DMD: variants seen among roughly 807,000 people sequenced by gnomAD.
DMD encodes dystrophin.
In DMD, 63 loss-of-function variants were observed where a neutral mutation model predicts 330.1. The ratio of observed to expected loss-of-function variants is 0.19; its 90% CI spans 0.16 to 0.24. The LOEUF (loss-of-function observed/expected upper bound fraction) is 0.24, where lower values mean the gene tolerates loss of function less well. DMD is among the 10% of genes least tolerant of loss of function. The pLI, the probability that DMD is intolerant of heterozygous loss-of-function variation, is 1.00. For synonymous variants in DMD, 1,223 were observed against 959.8 expected, an observed-to-expected ratio of 1.27 and a Z score of -5.07; for missense variants, 3,344 against 2,684.1, an observed-to-expected ratio of 1.25 and a Z score of -5.43.
chrX:33,031,943 C>T (rs1427182449), intron 1 of DMD, among the ~76,000 whole-genome samples: 2 of 112,239 alleles, frequency 1.8e-5, no homozygotes, highest in Non-Finnish European at 3.8e-5. Context: ...AGACTTAGTA[C>T]AAAGTAAGTG....
In DMD at chrX:31,299,725, G is replaced by A. The variant is rs181508148; in HGVS notation, c.9224+23873C>T. ...TGGGAGGTGGAGGTTGCAGTGAGCC[G>A]AGATCGCACCACTGCACTCCAGCCT... On this transcript the variant is annotated intron_variant, in intron 62 of 78. Transcript: ENST00000357033. Among the ~76,000 whole-genome samples the A allele has an allele frequency of 3.4e-4, 34 of 99,220 alleles. No individual in the cohort carries two copies. The East Asian group carries it at 9.2e-3, about 27-fold the overall frequency. 86.2% of individuals were successfully genotyped at this position (99,220 alleles called of 115,157 possible).
intron 44 of DMD, among the ~76,000 whole-genome samples, chrX:32,066,088 A>G (rs781186426): frequency 2.7e-5 from 3 of 111,442 alleles, no homozygotes; most frequent in Non-Finnish European, 5.7e-5. Flanking sequence ...TGTACTTTGA[A>G]TCAGATTGAT....
chrX:32,098,026 A>T (rs1038937399), intron 44 of DMD, among the ~76,000 whole-genome samples: 1 of 111,586 alleles, frequency 9.0e-6, no homozygotes, highest in East Asian at 2.8e-4. Context: ...CATGACCATA[A>T]ATTAAAAATA....
chrX:31,343,604 T>C (rs753523155), intron 61 of DMD, among the ~76,000 whole-genome samples: 1 of 95,505 alleles, frequency 1.0e-5, no homozygotes, highest in Admixed American at 1.1e-4. Flanking sequence ...TGTGTGTGTG[T>C]GTGTGTGTGT....
At chrX:32,714,516 G>A (rs985933262) in intron 7 of DMD, among the ~76,000 whole-genome samples, 7 of 111,466 alleles carry the variant, frequency 6.3e-5, no homozygotes, top group South Asian at 3.7e-4. Flanking sequence ...TTTGTGGCTC[G>A]TTAGTATTCC....
At chrX:32,733,144 C>G (rs1341049816) in intron 7 of DMD, among the ~76,000 whole-genome samples, 6 of 108,796 alleles carry the variant, frequency 5.5e-5, no homozygotes, top group Admixed American at 1.9e-4. Flanking sequence ...TTTAAACCAA[C>G]AAAGATCAAA....
At chrX:32,606,177 C>G (rs1025810132) in intron 12 of DMD, among the ~76,000 whole-genome samples, 4 of 110,356 alleles carry the variant, frequency 3.6e-5, no homozygotes, top group African/African-American at 1.3e-4. Flanking sequence ...CACCTCCCTT[C>G]CACCACCCTT....
chrX:31,595,731 C>T (rs1231417480), intron 55 of DMD, among the ~76,000 whole-genome samples: 1 of 48,601 alleles, frequency 2.1e-5, no homozygotes, highest in East Asian at 8.5e-4. Flanking sequence ...TTCAAAGGAC[C>T]TATGCTGTTT....
chrX:33,227,487 C>A (rs182614459), intron 1 of DMD, among the ~76,000 whole-genome samples: 1 of 110,945 alleles, frequency 9.0e-6, no homozygotes, highest in Admixed American at 9.7e-5. Flanking sequence ...CCAACGATTG[C>A]GGTGCCTAAA....
intron 2 of DMD, among the ~76,000 whole-genome samples, chrX:33,015,210 T>C (rs1216976221): frequency 1.8e-5 from 2 of 111,623 alleles, no homozygotes; most frequent in Non-Finnish European, 3.8e-5. Flanking sequence ...AAGACACGCA[T>C]ACATATGTTC....
At chrX:33,304,638 A>C (rs1441004902) in intron 1 of DMD, among the ~76,000 whole-genome samples, 19 of 102,831 alleles carry the variant, frequency 1.8e-4, no homozygotes, top group East Asian at 6.0e-4. Context: ...CAACCTACAA[A>C]ATGGGAGAAA....
chrX:32,572,717 C>T (rs1485294912), intron 15 of DMD, among the ~76,000 whole-genome samples: 1 of 110,124 alleles, frequency 9.1e-6, no homozygotes, highest in Non-Finnish European at 1.9e-5. Flanking sequence ...GCTTGAAAAA[C>T]TAGGTGATAT....
chrX:31,891,913 T>C (rs2094258538), intron 47 of DMD, among the ~76,000 whole-genome samples: 1 of 112,095 alleles, frequency 8.9e-6, no homozygotes, highest in Non-Finnish European at 1.9e-5. Flanking sequence ...AAAAAAACTT[T>C]TAAATGCAGT....
Position 32,699,260 on chromosome X carries a change from A to G in DMD, c.683T>C (p.Ile228Thr). Residue 228 changes from isoleucine (I) to threonine (T), a missense_variant, in exon 8 of 79, where the codon ATC becomes ACC. Physicochemically the swap from Ile to Thr is moderately conservative, Grantham distance 89. Coordinates refer to ENST00000357033, the MANE Select transcript of DMD (RefSeq NM_004006.3). The part of the protein sequence containing the change: ...VDTTYPDKKS[I>T]LMYITSLFQV... ...GAAGAGTGATGTGATGTACATTAAG[A>G]TGGACTTCTTATCTGGATAGGTGGT... 1 of 1,209,504 alleles carries G rather than the reference A, an allele frequency of 8.3e-7. No homozygotes were observed. The highest frequency in any genetic ancestry group is 1.1e-6 in the Non-Finnish European group (1 of 893,525).
chrX:31,186,789 T>A (rs2041816782), intron 67 of DMD, among the ~76,000 whole-genome samples: 1 of 112,891 alleles, frequency 8.9e-6, no homozygotes, highest in South Asian at 3.6e-4. Flanking sequence ...TTCATCCTTT[T>A]GGCATGGCAC....
intron 56 of DMD, among the ~76,000 whole-genome samples, chrX:31,498,280 T>C (rs1295515851): frequency 9.0e-6 from 1 of 110,986 alleles, no homozygotes; most frequent in African/African-American, 3.3e-5. Flanking sequence ...TATGAGGGAA[T>C]TGCTTGAGAA....
At chrX:31,861,155 A>G (rs1271839407) in intron 48 of DMD, among the ~76,000 whole-genome samples, 1 of 112,230 alleles carries the variant, frequency 8.9e-6, no homozygotes, top group Non-Finnish European at 1.9e-5. Context: ...AGTAGCAAAC[A>G]GTGCATAGAA....
chrX:32,067,728 T>C (rs1232208833), intron 44 of DMD, among the ~76,000 whole-genome samples: 1 of 112,022 alleles, frequency 8.9e-6, no homozygotes, highest in East Asian at 2.8e-4. Context: ...GGTGTATGTG[T>C]ACAACATTTA....
chrX:32,704,008 G>A (rs1158909737), intron 7 of DMD, among the ~76,000 whole-genome samples: 1 of 111,598 alleles, frequency 9.0e-6, no homozygotes, highest in Non-Finnish European at 1.9e-5. Context: ...AGCCGTCTCA[G>A]AATGAAAATA....
Sources: allele counts gnomAD v4.1 joint callset (sites outside exome capture counted in the v4.1 genomes callset), GRCh38; gene constraint gnomAD v4.1.1; transcripts MANE v1.5; gene names NCBI Gene and HGNC (gene_info 2026-07-23, HGNC 2026-07-21).